The following FSIP2 variants were observed in gnomAD, a reference collection of about 807,000 sequenced individuals.
The protein encoded by FSIP2 is fibrous sheath-interacting protein 2.
A neutral mutation model predicts 510.5 loss-of-function variants in FSIP2; 367 were observed. That is an observed-to-expected ratio of 0.72 (90% CI 0.66 to 0.78). The LOEUF is 0.78. Ranked by LOEUF, FSIP2 falls within the 30% of genes least tolerant of loss-of-function variation. FSIP2 has a pLI of 0.00. For synonymous variants in FSIP2, 2,601 were observed against 2,732.2 expected, an observed-to-expected ratio of 0.95 and a Z score of 1.50; for missense variants, 7,594 against 7,901.7, an observed-to-expected ratio of 0.96 and a Z score of 1.48.
chr2:185,794,238 G>C lies in FSIP2; in HGVS notation c.7102G>C (p.Asp2368His). Residue 2368 changes from aspartate (D) to histidine (H), a missense_variant, in exon 16 of 23, where the codon GAC becomes CAC. Coordinates refer to ENST00000424728, the MANE Select transcript of FSIP2 (RefSeq NM_173651.4). ...AILKLIKNDLDLEIQKIYPYQ... is the reference protein window; with the variant it reads ...AILKLIKNDLHLEIQKIYPYQ... Reference sequence around the variant, plus strand: ...TTTGAAGCTTATTAAAAATGACTTAGACTTAGAAATTCAAAAGATATATCC... The same window carrying C: ...TTTGAAGCTTATTAAAAATGACTTACACTTAGAAATTCAAAAGATATATCC... 1 of 1,534,126 alleles carries C rather than the reference G, an allele frequency of 6.5e-7. No individual in the cohort carries two copies. The highest frequency in any genetic ancestry group is 8.7e-7 in the Non-Finnish European group (1 of 1,145,630).
At chr2:185,780,192 T>A (rs1432718215) in intron 13 of FSIP2, among the ~76,000 whole-genome samples, 4 of 152,034 alleles carry the variant, frequency 2.6e-5, no homozygotes, top group Non-Finnish European at 2.9e-5. Context: ...TTTTCTTTAT[T>A]TTTTCTTTAG....
intron 19 of FSIP2, among the ~76,000 whole-genome samples, chr2:185,821,384 C>T (rs1227413694): frequency 6.6e-6 from 1 of 151,856 alleles, no homozygotes; most frequent in Non-Finnish European, 1.5e-5. Context: ...TTAACACTAA[C>T]CCCCCTCAGA....
chr2:185,738,353 C>G (rs1356404579), upstream of FSIP2: 1 of 462,756 alleles, frequency 2.2e-6, no homozygotes, highest in East Asian at 4.4e-5. Context: ...AGAAGGAAAC[C>G]TAGGGGACAG....
At position 185,833,213 on chromosome 2, in the gene FSIP2, A is replaced by G. The variant is rs966593731; in HGVS notation, c.20711A>G (p.Gln6904Arg). The G allele has an allele frequency of 1.2e-6, 2 of 1,609,824 alleles. No individual in the cohort carries two copies. Among genetic ancestry groups the G allele is most frequent in the Non-Finnish European group, 1.7e-6 (2 of 1,177,892 alleles). Reference sequence around the variant, plus strand: ...TCCAGATCTTCCTCACCAGCTCACCAGGATGAACACTGAAGCTTTTGTACC... The same window carrying G: ...TCCAGATCTTCCTCACCAGCTCACCGGGATGAACACTGAAGCTTTTGTACC... ...NISRSSSPAH[Q>R]DEH Residue 6904 changes from glutamine to arginine, a missense_variant, in exon 23 of 23, where the codon CAG becomes CGG. Physicochemically the swap from Gln to Arg is conservative, Grantham distance 43. Coordinates refer to ENST00000424728, the MANE Select transcript of FSIP2 (RefSeq NM_173651.4).
chr2:185,792,127 A>G lies in FSIP2; in HGVS notation c.4991A>G (p.Asp1664Gly). ...IQTELNVTSS[D>G]LKTSVENPPP... ...ACAGAATTAAATGTGACCTCATCAG[A>G]TTTGAAGACAAGTGTAGAAAACCCA... Residue 1664 changes from aspartate (D) to glycine (G), a missense_variant, in exon 16 of 23, where the codon GAT (aspartate) becomes GGT (glycine). Physicochemically the swap from Asp to Gly is moderately conservative, Grantham distance 94. Transcript: ENST00000424728. 6.5e-7 allele frequency: 1 copy of G among 1,533,906 alleles called. No homozygotes were observed. Among genetic ancestry groups the G allele is most frequent in the Non-Finnish European group, 8.7e-7 (1 of 1,145,444 alleles).
rs777079578 is a variant in FSIP2, at chr2:185,831,929, T to G, written c.20587+47T>G. Reference sequence around the variant, plus strand: ...CAACTGGTGTAATTAAACTGTCAATTGCATCATTTTGAATTTAGAATTTTT... The same window carrying G: ...CAACTGGTGTAATTAAACTGTCAATGGCATCATTTTGAATTTAGAATTTTT... On this transcript the variant is annotated intron_variant, in intron 22 of 22. Transcript: ENST00000424728. 4 of 1,132,896 alleles carry G rather than the reference T, an allele frequency of 3.5e-6. No homozygotes were observed. The South Asian group carries it at 5.0e-5, about 14-fold the overall frequency. 70.2% of individuals were successfully genotyped at this position (1,132,896 alleles called of 1,614,324 possible).
chr2:185,762,107 TAAA>T lies in FSIP2; in HGVS notation c.1240+93_1240+95del, dbSNP rs973142086. The T allele has an allele frequency of 4.1e-5, 25 of 607,828 alleles. No homozygotes were observed. The African/African-American group carries it at 4.3e-4, about 10-fold the overall frequency. 37.7% of individuals were successfully genotyped at this position (607,828 alleles called of 1,614,324 possible). On this transcript the variant is annotated intron_variant, in intron 11 of 22. Coordinates refer to ENST00000424728, the MANE Select transcript of FSIP2 (RefSeq NM_173651.4). The stretch of plus-strand genomic sequence containing the variant: ...TATTTTAAGTTGTTTTATCTGATTA[TAAA>T]AATATGCTTATTCTAAAAAATTAAG...
rs1303452744 is a variant in FSIP2, at chr2:185,797,728, A to G, written c.10390+202A>G. 3 of 577,512 alleles carry G rather than the reference A, an allele frequency of 5.2e-6. 1 individual carries two copies. The highest frequency in any genetic ancestry group is 2.3e-5 in the Admixed American group (1 of 42,794). 35.8% of individuals were successfully genotyped at this position (577,512 alleles called of 1,614,324 possible). ...TTTATTTAGAAATAGTGTCTCTGTC[A>G]CTGAGGCTAGAGTACAGTGGCATGA... On this transcript the variant is annotated intron_variant, in intron 16 of 22. Coordinates refer to ENST00000424728, the MANE Select transcript of FSIP2 (RefSeq NM_173651.4).
intron 16 of FSIP2, among the ~76,000 whole-genome samples, chr2:185,799,375 G>A (rs1472107836): frequency 1.3e-5 from 2 of 151,636 alleles, no homozygotes; most frequent in Admixed American, 6.6e-5. Context: ...AGGATGCATC[G>A]CTAAGCCTGG....
Position 185,786,282 on chromosome 2 carries a change from A to T in FSIP2, c.1500A>T (p.Gln500His). 1.3e-6 allele frequency: 2 copies of T among 1,524,720 alleles called. No individual in the cohort carries two copies. Among genetic ancestry groups the T allele is most frequent in the Non-Finnish European group, 8.8e-7 (1 of 1,138,602 alleles). 94.4% of individuals were successfully genotyped at this position (1,524,720 alleles called of 1,614,324 possible). ...AGAACTTGCTGCAAAATTGCTTGCA[A>T]GAAAAAGTATGTATCATAAAATCCA... ...MQQNLLQNCL[Q>H]EKVTSEELNI... The change falls in exon 15 of 23, where the codon CAA becomes CAT. Residue 500 changes from glutamine (Q) to histidine (H), a missense_variant. Transcript: ENST00000424728.
Position 185,792,646 on chromosome 2 carries a change from C to A in FSIP2, c.5510C>A (p.Ala1837Glu), listed in dbSNP as rs1270049527. The A allele has an allele frequency of 6.5e-7, 1 of 1,533,854 alleles. No homozygotes were observed. Among genetic ancestry groups the A allele is most frequent in the Non-Finnish European group, 8.7e-7 (1 of 1,145,372 alleles). ...ATGATGGATCCTTTACTTTCGGAAGCAGATATAACCATAGTAACAGATAAT... is the reference window on the plus strand; with the variant it reads ...ATGATGGATCCTTTACTTTCGGAAGAAGATATAACCATAGTAACAGATAAT... ...DKMMDPLLSE[A>E]DITIVTDNIV... The change falls in exon 16 of 23, where the codon GCA becomes GAA. Residue 1837 changes from alanine (A) to glutamate (E), a missense_variant. Physicochemically the swap from Ala to Glu is moderately radical, Grantham distance 107 (BLOSUM62 -1). Transcript: ENST00000424728.
intron 17 of FSIP2, among the ~76,000 whole-genome samples, chr2:185,809,700 G>T (rs1488460992): frequency 6.6e-6 from 1 of 151,708 alleles, no homozygotes; most frequent in East Asian, 2.0e-4. Context: ...TTTCCCATTT[G>T]CCCTGGCCTC....
intron 17 of FSIP2, among the ~76,000 whole-genome samples, 131 bp from the exon 18 acceptor site, chr2:185,813,392 TTTAAAAATATTGCTAATATATA>T (rs1410209808): frequency 3.9e-5 from 6 of 152,012 alleles, no homozygotes; most frequent in Admixed American, 3.9e-4. Flanking sequence ...CTTTATTTCT[TTTAAAAATATTGCTAATATATA>T]ATTAAGTGAT....
At position 185,800,140 on chromosome 2, in the gene FSIP2, A is replaced by G; in HGVS notation, c.10834A>G (p.Ile3612Val). 1 of 1,534,038 alleles carries G rather than the reference A, an allele frequency of 6.5e-7. No homozygotes were observed. The highest frequency in any genetic ancestry group is 8.7e-7 in the Non-Finnish European group (1 of 1,145,588). ...CTTTCAGGATCTCTTAGTAGGAGTG[A>G]TTCATGTACTGTCCAAAGAAATAGA... ...DLFQDLLVGV[I>V]HVLSKEIEVD... Residue 3612 changes from isoleucine to valine, a missense_variant, in exon 17 of 23, where the codon ATT becomes GTT. Physicochemically the swap from Ile to Val is conservative, Grantham distance 29 (BLOSUM62 3). Transcript: ENST00000424728.
intron 13 of FSIP2, among the ~76,000 whole-genome samples, chr2:185,769,180 TTC>T (rs1273923709): frequency 6.6e-6 from 1 of 152,162 alleles, no homozygotes; most frequent in Non-Finnish European, 1.5e-5. Context: ...CAAATGGTAG[TTC>T]TGTTTTTAGC....
chr2:185,758,476 ATAAAG>A (rs769944020), intron 9 of FSIP2, among the ~76,000 whole-genome samples: 22 of 151,512 alleles, frequency 1.5e-4, no homozygotes, highest in East Asian at 7.8e-4. Flanking sequence ...TAATCTTACA[ATAAAG>A]TAAACTATAG....
At chr2:185,825,498 G>A (rs961830146) in intron 20 of FSIP2, among the ~76,000 whole-genome samples, 5 of 151,776 alleles carry the variant, frequency 3.3e-5, no homozygotes, top group Non-Finnish European at 1.5e-5. Flanking sequence ...TTGGGTGATA[G>A]GTACACTAGA....
At chr2:185,817,047 G>GA (rs1222424397) in intron 19 of FSIP2, among the ~76,000 whole-genome samples, 12 of 151,672 alleles carry the variant, frequency 7.9e-5, no homozygotes, top group African/African-American at 2.7e-4. Context: ...GACAGAAAGG[G>GA]AAAAAACACA....
chr2:185,809,186 T>C (rs1264821383), intron 17 of FSIP2, 53 bp downstream of exon 17: 1 of 1,497,056 alleles, frequency 6.7e-7, no homozygotes, highest in Non-Finnish European at 8.9e-7. Flanking sequence ...ACATGGTTCT[T>C]CTGTGATTTC....
Sources: allele counts gnomAD v4.1 joint callset (sites outside exome capture counted in the v4.1 genomes callset), GRCh38; gene constraint gnomAD v4.1.1; transcripts MANE v1.5; gene names NCBI Gene and HGNC (gene_info 2026-07-23, HGNC 2026-07-21).